The following COL7A1 variants were observed in gnomAD, a reference collection of about 807,000 sequenced individuals.
COL7A1 encodes collagen alpha-1(VII) chain.
In COL7A1, 296 loss-of-function variants were observed where a neutral mutation model predicts 456.2. The observed-to-expected ratio is 0.65, with a 90% CI of 0.59 to 0.71. The LOEUF (loss-of-function observed/expected upper bound fraction) is 0.71, where lower values mean the gene tolerates loss of function less well. COL7A1 is among the 30% of genes least tolerant of loss of function. COL7A1 has a pLI of 0.00. For missense variants in COL7A1, 3,441 were observed against 4,017.2 expected, an observed-to-expected ratio of 0.86 and a Z score of 3.88; for synonymous variants, 1,464 against 1,525.9, an observed-to-expected ratio of 0.96 and a Z score of 0.95.
chr3:48,595,173 A>G lies in COL7A1; in HGVS notation c.-1-13T>C. 2 of 1,549,614 alleles carry G rather than the reference A, an allele frequency of 1.3e-6. No individual in the cohort carries two copies. Among genetic ancestry groups the G allele is most frequent in the Non-Finnish European group, 1.7e-6 (2 of 1,146,500 alleles). On this transcript the variant is annotated splice_polypyrimidine_tract_variant and intron_variant, in intron 1 of 118. Transcript: ENST00000681320. The stretch of plus-strand genomic sequence containing the variant: ...CCGCAGCGTCATCCTAGGCAGTAAA[A>G]GCCGTCAGCTAGGACCCCCGCCTCT...
Position 48,568,687 on chromosome 3 carries a change from C to A in COL7A1, c.7758+97G>T, listed in dbSNP as rs923749528. ...ACACATGGGGCCGGCAGCAAGGGAG[C>A]CAGAACCCCCAGCACTTAAGAGGAC... On this transcript the variant is annotated intron_variant, in intron 104 of 118. Transcript: ENST00000681320. The surrounding 1 kb of genome is among the most constrained non-coding windows in gnomAD (Gnocchi z 5.2). The A allele has an allele frequency of 2.0e-5, 29 of 1,480,444 alleles. No homozygotes were observed. Among genetic ancestry groups the A allele is most frequent in the Non-Finnish European group, 2.7e-5 (29 of 1,084,722 alleles). 91.7% of individuals were successfully genotyped at this position (1,480,444 alleles called of 1,614,324 possible). A position where few individuals can be genotyped will look rare whatever the true frequency, so the allele number is the denominator to read the frequency against.
Position 48,572,853 on chromosome 3 carries a change from A to AACACAT in COL7A1, c.6831+3_6831+8dup. Reference sequence around the variant, plus strand: ...CCACACCCTAGCGAGCTGCCCCCAGAACACATACTGGCACACCAGGGCTCC... The same window carrying AACACAT: ...CCACACCCTAGCGAGCTGCCCCCAGAACACATACACATACTGGCACACCAGGGCTCC... On this transcript the variant is annotated intron_variant, in intron 87 of 118. Transcript: ENST00000681320. The surrounding 1 kb of genome is among the most constrained non-coding windows in gnomAD (Gnocchi z 4.6). The AACACAT allele has an allele frequency of 6.2e-7, 1 of 1,613,962 alleles. No individual in the cohort carries two copies. Among genetic ancestry groups the AACACAT allele is most frequent in the Non-Finnish European group, 8.5e-7 (1 of 1,179,964 alleles).
chr3:48,566,924 CT>C lies in COL7A1; in HGVS notation c.8208del (p.Gly2737AspfsTer49). ...PPGSVGPRGPEGLQGQKGERG... is the reference protein window; with the variant it reads ...PPGSVGPRGPXGLQGQKGERG... Reference sequence around the variant, plus strand: ...CCCCTTACCTTCTGGCCCTGAAGTCCTTCGGGGCCTCTGGGACCAACACTGC... The same window carrying C: ...CCCCTTACCTTCTGGCCCTGAAGTCCTCGGGGCCTCTGGGACCAACACTGC... On this transcript the variant is annotated frameshift_variant, in exon 111 of 119. Transcript: ENST00000681320. LOFTEE classifies it high-confidence loss of function. The surrounding 1 kb of genome is among the most constrained non-coding windows in gnomAD (Gnocchi z 5.9). The C allele has an allele frequency of 1.2e-6, 2 of 1,607,110 alleles. No individual in the cohort carries two copies. Among genetic ancestry groups the C allele is most frequent in the Non-Finnish European group, 1.7e-6 (2 of 1,175,628 alleles).
Position 48,592,156 on chromosome 3 carries a change from T to C in COL7A1, c.1186A>G (p.Ser396Gly). 1.2e-6 allele frequency: 2 copies of C among 1,614,076 alleles called. No individual in the cohort carries two copies. The highest frequency in any genetic ancestry group is 2.2e-5 in the East Asian group (1 of 44,876). The change falls in exon 10 of 119, where the codon AGC becomes GGC. Residue 396 changes from serine (S) to glycine (G), a missense_variant. By Grantham distance (56) the Ser-to-Gly change is moderately conservative. Transcript: ENST00000681320. The surrounding 1 kb of genome is among the most constrained non-coding windows in gnomAD (Gnocchi z 7.6). ...CCCACACTGCGGCCAAATAGGGTGCTCACGGTCACCTCATAGTCCGTGCCA... is the reference window on the plus strand; with the variant it reads ...CCCACACTGCGGCCAAATAGGGTGCCCACGGTCACCTCATAGTCCGTGCCA... ...EPGTDYEVTV[S>G]TLFGRSVGPA... is the part of the protein sequence containing the mutation.
Position 48,590,413 on chromosome 3 carries a change from C to G in COL7A1, c.1906+46G>C. 1 of 1,613,226 alleles carries G rather than the reference C, an allele frequency of 6.2e-7. No homozygotes were observed. Among genetic ancestry groups the G allele is most frequent in the Non-Finnish European group, 8.5e-7 (1 of 1,179,236 alleles). The stretch of plus-strand genomic sequence containing the variant: ...CTGCCTGTCCCCTCTGGCACCCATA[C>G]CCTCATTGGTCCCTTTGGCAGTCCC... On this transcript the variant is annotated intron_variant, in intron 15 of 118. Coordinates refer to ENST00000681320, the MANE Select transcript of COL7A1 (RefSeq NM_000094.4). This position sits in a 1 kb window ranked among gnomAD's most constrained non-coding sequence, Gnocchi z 4.6.
In COL7A1 at chr3:48,571,231, G is replaced by A; in HGVS notation, c.7104+12C>T. On this transcript the variant is annotated intron_variant, in intron 93 of 118. Coordinates refer to ENST00000681320, the MANE Select transcript of COL7A1 (RefSeq NM_000094.4). This position sits in a 1 kb window ranked among gnomAD's most constrained non-coding sequence, Gnocchi z 4.6. ...CCAGGACCCCAGCAGGGACCCTTCT[G>A]GGTACACATACCTTGAAACCTTTGG... 1.2e-6 allele frequency: 2 copies of A among 1,614,142 alleles called. No homozygotes were observed. The highest frequency in any genetic ancestry group is 1.7e-6 in the Non-Finnish European group (2 of 1,180,020).
intron 67 of COL7A1, 36 bp from the exon 68 acceptor site, chr3:48,576,807 C>T: frequency 6.2e-7 from 1 of 1,613,876 alleles, no homozygotes; most frequent in Non-Finnish European, 8.5e-7. Context: ...CACCCTGAGA[C>T]CTCAGAAAAG....
rs763751979 is a variant in COL7A1 at position 48,587,444 on chromosome 3, G to A, written c.2968C>T (p.Arg990Trp). The change falls in exon 23 of 119, where the codon CGG (arginine) becomes TGG (tryptophan). Residue 990 changes from arginine to tryptophan, a missense_variant. By Grantham distance (101) the Arg-to-Trp change is moderately radical. Transcript: ENST00000681320. The surrounding 1 kb of genome is among the most constrained non-coding windows in gnomAD (Gnocchi z 6.1). ...CCCTGGCCAGGGCCTCTGAGTGGCC[G>A]CCAGGATAGGATGTAGCTGGATGCC... ...SRASSYILSW[R>W]PLRGPGQEVP... The A allele has an allele frequency of 3.1e-5, 50 of 1,613,172 alleles. No homozygotes were observed. The Admixed American group carries it at 5.8e-4, about 19-fold the overall frequency.
In COL7A1 at chr3:48,593,208, A is replaced by T. The variant is rs763913870; in HGVS notation, c.576T>A (p.Ser192Arg). The T allele has an allele frequency of 3.1e-6, 5 of 1,614,104 alleles. No homozygotes were observed. The highest frequency in any genetic ancestry group is 4.2e-6 in the Non-Finnish European group (5 of 1,180,012). The change falls in exon 6 of 119, where the codon AGT (serine) becomes AGA (arginine). Residue 192 changes from serine (S) to arginine (R), a missense_variant. Ser to Arg is a moderately radical substitution (Grantham distance 110). This residue lies in a region of COL7A1 where 913 missense variants were observed against 1,088.2 expected (regional missense o/e 0.84). Coordinates refer to ENST00000681320, the MANE Select transcript of COL7A1 (RefSeq NM_000094.4). The surrounding 1 kb of genome is among the most constrained non-coding windows in gnomAD (Gnocchi z 4.4). ...ELKRVASQPTSDFFFFVNDFS... is the reference protein window; with the variant it reads ...ELKRVASQPTRDFFFFVNDFS... ...AGTCATTGACGAAGAAGAAGAAGTC[A>T]CTGGTGGGCTGTGAGGCAACTCGCT...
rs1426792835 is a variant in COL7A1, at chr3:48,586,708, C to G, written c.3277-19G>C. On this transcript the variant is annotated intron_variant, in intron 25 of 118. Transcript: ENST00000681320. The surrounding 1 kb of genome is among the most constrained non-coding windows in gnomAD (Gnocchi z 5.1). ...GGCCAACCTGGGGTGGAAGGAAACACAGAGCCTGAGGAGGATGACAGAGCA... is the reference window on the plus strand; with the variant it reads ...GGCCAACCTGGGGTGGAAGGAAACAGAGAGCCTGAGGAGGATGACAGAGCA... 1 of 1,565,738 alleles carries G rather than the reference C, an allele frequency of 6.4e-7. No homozygotes were observed. Among genetic ancestry groups the G allele is most frequent in the African/African-American group, 1.4e-5 (1 of 73,764 alleles).
In COL7A1 at chr3:48,574,796, C is replaced by T; in HGVS notation, c.6348+1G>A. On this transcript the variant is annotated splice_donor_variant, in intron 77 of 118. Coordinates refer to ENST00000681320, the MANE Select transcript of COL7A1 (RefSeq NM_000094.4). LOFTEE classifies it high-confidence loss of function. The surrounding 1 kb of genome is among the most constrained non-coding windows in gnomAD (Gnocchi z 5.0). ...GCCCCGAGCTGATTCCACACACTGA[C>T]CTTAGCACCCTTGAGTCCAGGGGGT... 1.2e-6 allele frequency: 2 copies of T among 1,613,986 alleles called. No homozygotes were observed. The highest frequency in any genetic ancestry group is 1.7e-6 in the Non-Finnish European group (2 of 1,180,020).
In COL7A1 at chr3:48,572,849, C is replaced by T; in HGVS notation, c.6831+13G>A. 1 of 1,614,024 alleles carries T rather than the reference C, an allele frequency of 6.2e-7. No individual in the cohort carries two copies. ...GGCACCACACCCTAGCGAGCTGCCC[C>T]CAGAACACATACTGGCACACCAGGG... On this transcript the variant is annotated intron_variant, in intron 87 of 118. Coordinates refer to ENST00000681320, the MANE Select transcript of COL7A1 (RefSeq NM_000094.4). This position sits in a 1 kb window ranked among gnomAD's most constrained non-coding sequence, Gnocchi z 4.6.
chr3:48,590,357 C>G lies in COL7A1; in HGVS notation c.1907-1G>C. On this transcript the variant is annotated splice_acceptor_variant, in intron 15 of 118. Coordinates refer to ENST00000681320, the MANE Select transcript of COL7A1 (RefSeq NM_000094.4). LOFTEE classifies it high-confidence loss of function. The surrounding 1 kb of genome is among the most constrained non-coding windows in gnomAD (Gnocchi z 4.6). ...GGCAGTGTCTGGCTGGACTCCGGAC[C>G]TGAGGTCAGAGGGAAATGCTGGCAT... 6.2e-7 allele frequency: 1 copy of G among 1,614,072 alleles called. No homozygotes were observed. The highest frequency in any genetic ancestry group is 1.7e-5 in the Admixed American group (1 of 60,010).
chr3:48,567,507 A>C lies in COL7A1; in HGVS notation c.8046+67T>G. On this transcript the variant is annotated intron_variant, in intron 109 of 118. Coordinates refer to ENST00000681320, the MANE Select transcript of COL7A1 (RefSeq NM_000094.4). This position sits in a 1 kb window ranked among gnomAD's most constrained non-coding sequence, Gnocchi z 4.3. ...CCTTCCTTGTCCCTACACCCCCATG[A>C]CCCGACCATGAGCTTCCCTGCCCCA... 20 of 1,602,538 alleles carry C rather than the reference A, an allele frequency of 1.2e-5. No individual in the cohort carries two copies. Among genetic ancestry groups the C allele is most frequent in the Non-Finnish European group, 1.7e-5 (20 of 1,170,312 alleles).
chr3:48,569,936 G>A lies in COL7A1; in HGVS notation c.7486-21C>T, dbSNP rs750984824. On this transcript the variant is annotated intron_variant, in intron 99 of 118. Coordinates refer to ENST00000681320, the MANE Select transcript of COL7A1 (RefSeq NM_000094.4). The surrounding 1 kb of genome is among the most constrained non-coding windows in gnomAD (Gnocchi z 4.9). Reference sequence around the variant, plus strand: ...GGCCCCTGTGTGAGAGAAGGTGACCGTGAGCTACAGGAACCAGGGCAGTGG... The same window carrying A: ...GGCCCCTGTGTGAGAGAAGGTGACCATGAGCTACAGGAACCAGGGCAGTGG... 54 of 1,613,788 alleles carry A rather than the reference G, an allele frequency of 3.3e-5. No individual in the cohort carries two copies. Among genetic ancestry groups the A allele is most frequent in the Middle Eastern group, 1.6e-4 (1 of 6,082 alleles).
chr3:48,588,873 C>T lies in COL7A1; in HGVS notation c.2437G>A (p.Glu813Lys), dbSNP rs141649838. ...TAYRLAWGRS[E>K]GGPMRHQILP... ...GGGTGGCGTCAGGGAGCCATACCTTCACTCCGGCCCCAGGCCAGTCTGTAA... is the reference window on the plus strand; with the variant it reads ...GGGTGGCGTCAGGGAGCCATACCTTTACTCCGGCCCCAGGCCAGTCTGTAA... Residue 813 changes from glutamate to lysine, a missense_variant, in exon 19 of 119, where the codon GAA becomes AAA. By Grantham distance (56) the Glu-to-Lys change is moderately conservative. This residue lies in a region of COL7A1 where 444 missense variants were observed against 427.6 expected (regional missense o/e 1.04). Transcript: ENST00000681320. This position sits in a 1 kb window ranked among gnomAD's most constrained non-coding sequence, Gnocchi z 4.6. 114 of 1,613,526 alleles carry T rather than the reference C, an allele frequency of 7.1e-5. No individual in the cohort carries two copies. Among genetic ancestry groups the T allele is most frequent in the Non-Finnish European group, 9.2e-5 (109 of 1,180,052 alleles).
In COL7A1 at chr3:48,583,366, C is replaced by T; in HGVS notation, c.4437+27G>A. 1.2e-6 allele frequency: 2 copies of T among 1,614,050 alleles called. No individual in the cohort carries two copies. Among genetic ancestry groups the T allele is most frequent in the East Asian group, 2.2e-5 (1 of 44,884 alleles). On this transcript the variant is annotated intron_variant, in intron 42 of 118. Transcript: ENST00000681320. This position sits in a 1 kb window ranked among gnomAD's most constrained non-coding sequence, Gnocchi z 5.1. ...GGGGAGCCCAGAGTAGCACCCCTCA[C>T]ACCTGAATCCCCCAACTGGTACTCA...
At chr3:48,577,539 C>T (rs188578366) in intron 65 of COL7A1, among the ~76,000 whole-genome samples, 2 of 152,290 alleles carry the variant, frequency 1.3e-5, no homozygotes, top group African/African-American at 4.8e-5. Context: ...GTGTGGGTGA[C>T]CATATAAAGT....
At position 48,574,357 on chromosome 3, in the gene COL7A1, C is replaced by T. The variant is rs1296927782; in HGVS notation, c.6457-51G>A. 11 of 1,613,592 alleles carry T rather than the reference C, an allele frequency of 6.8e-6. No individual in the cohort carries two copies. Among genetic ancestry groups the T allele is most frequent in the South Asian group, 1.1e-5 (1 of 91,078 alleles). On this transcript the variant is annotated intron_variant, in intron 79 of 118. Coordinates refer to ENST00000681320, the MANE Select transcript of COL7A1 (RefSeq NM_000094.4). The surrounding 1 kb of genome is among the most constrained non-coding windows in gnomAD (Gnocchi z 5.0). ...AGTTTCCCAGTTCCAACTTCCCCTC[C>T]ACCCACCATCCCCCTAGACAGAGTC...
Sources: allele counts gnomAD v4.1 joint callset (sites outside exome capture counted in the v4.1 genomes callset), GRCh38; gene constraint gnomAD v4.1.1; regional missense constraint gnomAD v4.1.1; non-coding constraint Gnocchi (gnomAD v3.1); transcripts MANE v1.5; gene names NCBI Gene and HGNC (gene_info 2026-07-23, HGNC 2026-07-21).